Variants in TSNARE1 observed in about 807,000 individuals in gnomAD.
TSNARE1 encodes t-SNARE domain containing 1.
In TSNARE1, 49 loss-of-function variants were observed where a neutral mutation model predicts 62.0. The ratio of observed to expected loss-of-function variants is 0.79; its 90% CI spans 0.63 to 1.00. The LOEUF (loss-of-function observed/expected upper bound fraction) is 1.00. Among genes scored for constraint, TSNARE1 ranks in the 50% least tolerant of loss-of-function variants. TSNARE1 has a pLI of 0.00. For missense variants in TSNARE1, 755 were observed against 700.1 expected, an observed-to-expected ratio of 1.08 and a Z score of -0.88; for synonymous variants, 328 against 294.4, an observed-to-expected ratio of 1.11 and a Z score of -1.17.
At position 142,345,873 on chromosome 8, in the gene TSNARE1, G is replaced by A. The variant is rs758285654; in HGVS notation, c.108C>T (p.Thr36=). ...CQPLECARCW[T]EYGIRHFPCP... ...AGGGGAAATGGCGGATTCCATACTC[G>A]GTCCAACATCTAGCGCACTCTACGG... Residue 36 remains threonine, a synonymous_variant, in exon 3 of 14, where the codon ACC becomes ACT. Transcript: ENST00000524325. 2.2e-5 allele frequency: 35 copies of A among 1,613,618 alleles called. No individual in the cohort carries two copies. In the Admixed American group the frequency reaches 3.5e-4, roughly 16 times the overall value.
At chr8:142,337,524 G>A (rs1414147504) in intron 4 of TSNARE1, among the ~76,000 whole-genome samples, 2 of 152,250 alleles carry the variant, frequency 1.3e-5, no homozygotes, top group Non-Finnish European at 1.5e-5. Context: ...GCGCAACCGT[G>A]CTTTCTAGAA....
At chr8:142,271,739 G>A (rs1364896095) in intron 12 of TSNARE1, 2 of 1,287,662 alleles carry the variant, frequency 1.6e-6, no homozygotes, top group East Asian at 3.1e-5. Flanking sequence ...CCAAAACCCA[G>A]TGATCTGGAG....
intron 13 of TSNARE1, among the ~76,000 whole-genome samples, chr8:142,220,880 T>C (rs1816178862): frequency 6.6e-6 from 1 of 152,212 alleles, no homozygotes; most frequent in Non-Finnish European, 1.5e-5. Flanking sequence ...TCCCTGGCAG[T>C]ACCACAGAAG....
chr8:142,355,050 G>A (rs1166587054), intron 1 of TSNARE1, among the ~76,000 whole-genome samples: 1 of 152,174 alleles, frequency 6.6e-6, no homozygotes, highest in Non-Finnish European at 1.5e-5. Context: ...AGCAAGGTGA[G>A]CCCTCTGGCC....
chr8:142,311,992 T>C (rs1827692992), intron 9 of TSNARE1, among the ~76,000 whole-genome samples: 1 of 152,244 alleles, frequency 6.6e-6, no homozygotes, highest in African/African-American at 2.4e-5. Context: ...ATAACACAGA[T>C]TGAATATCCC....
intron 12 of TSNARE1, among the ~76,000 whole-genome samples, chr8:142,236,439 T>C (rs1817428527): frequency 6.6e-6 from 1 of 151,824 alleles, no homozygotes; most frequent in Admixed American, 6.6e-5. Context: ...CTGCACCAAG[T>C]ATCCGCTGGG....
intron 1 of TSNARE1, among the ~76,000 whole-genome samples, chr8:142,360,102 C>T (rs1379873225): frequency 6.6e-6 from 1 of 152,212 alleles, no homozygotes; most frequent in East Asian, 1.9e-4. Flanking sequence ...CCAGGCCTTC[C>T]CAACCAAAGC....
intron 9 of TSNARE1, among the ~76,000 whole-genome samples, chr8:142,300,871 TC>T (rs1025091250): frequency 2.0e-4 from 31 of 152,118 alleles, no homozygotes; most frequent in African/African-American, 7.2e-4. Context: ...CAGACGTCAG[TC>T]CCCAGTGTCA....
intron 2 of TSNARE1, among the ~76,000 whole-genome samples, chr8:142,347,212 G>A (rs1452134381): frequency 2.0e-5 from 3 of 152,258 alleles, no homozygotes; most frequent in African/African-American, 4.8e-5. Flanking sequence ...GTGCAGCAAA[G>A]TAGATCAGAG....
intron 13 of TSNARE1, among the ~76,000 whole-genome samples, chr8:142,214,345 A>G (rs1381391529): frequency 1.3e-5 from 2 of 152,140 alleles, no homozygotes; most frequent in African/African-American, 2.4e-5. Context: ...GCACATCCAG[A>G]ATCCCCTTGG....
At chr8:142,378,583 G>A (rs1836509157) in intron 1 of TSNARE1, among the ~76,000 whole-genome samples, 1 of 152,192 alleles carries the variant, frequency 6.6e-6, no homozygotes, top group South Asian at 2.1e-4. Context: ...CAGCAGGCAT[G>A]AGCCTTGAAT....
At chr8:142,390,975 T>G (rs1243827394) in intron 1 of TSNARE1, among the ~76,000 whole-genome samples, 19 of 112,714 alleles carry the variant, frequency 1.7e-4, no homozygotes, top group Admixed American at 7.6e-4. Context: ...TGTACACTGC[T>G]GGGGACTCTA....
Position 142,332,191 on chromosome 8 carries a change from G to A in TSNARE1, c.746-360C>T, listed in dbSNP as rs1288198142. 2.6e-5 allele frequency among the ~76,000 whole-genome samples: 4 copies of A among 152,234 alleles called. No homozygotes were observed. In the East Asian group the frequency reaches 5.8e-4, roughly 22 times the overall value. ...TCACTAAGAGTCAAAGCACAGCCCCGCTGATGAAGCAACAGAAACAAGGTC... is the reference window on the plus strand; with the variant it reads ...TCACTAAGAGTCAAAGCACAGCCCCACTGATGAAGCAACAGAAACAAGGTC... On this transcript the variant is annotated intron_variant, in intron 4 of 13. Transcript: ENST00000524325.
chr8:142,246,136 C>T (rs1456995911), intron 12 of TSNARE1, among the ~76,000 whole-genome samples: 1 of 152,188 alleles, frequency 6.6e-6, no homozygotes, highest in Non-Finnish European at 1.5e-5. Context: ...CATAAGGGTC[C>T]CAAAGAGGGT....
chr8:142,232,663 C>T (rs1817181090), intron 12 of TSNARE1, among the ~76,000 whole-genome samples: 2 of 152,206 alleles, frequency 1.3e-5, no homozygotes, highest in Admixed American at 1.3e-4. Context: ...CAAGCCCGGC[C>T]CTTCCACAGC....
chr8:142,359,081 T>C (rs1834963593), intron 1 of TSNARE1, among the ~76,000 whole-genome samples: 1 of 152,014 alleles, frequency 6.6e-6, no homozygotes, highest in South Asian at 2.1e-4. Flanking sequence ...CCCACCTCTG[T>C]GCCTTCACCC....
intron 11 of TSNARE1, chr8:142,278,137 C>G (rs1563810686): frequency 2.0e-6 from 2 of 985,234 alleles, no homozygotes; most frequent in African/African-American, 1.7e-5. Context: ...CCCCAAGCCC[C>G]ACCACAAGGC....
intron 12 of TSNARE1, chr8:142,270,954 G>A (rs1157542784): frequency 1.0e-6 from 1 of 985,378 alleles, no homozygotes; most frequent in African/African-American, 1.7e-5. Context: ...CATCCTTCCG[G>A]TCTCCTGGAC....
chr8:142,393,660 C>A (rs1268166184), intron 1 of TSNARE1, among the ~76,000 whole-genome samples: 2 of 152,260 alleles, frequency 1.3e-5, no homozygotes, highest in Non-Finnish European at 2.9e-5. Context: ...AGCACCTGCC[C>A]CGTCCACTCC....
Sources: allele counts gnomAD v4.1 joint callset (sites outside exome capture counted in the v4.1 genomes callset), GRCh38; gene constraint gnomAD v4.1.1; transcripts MANE v1.5; gene names NCBI Gene and HGNC (gene_info 2026-07-23, HGNC 2026-07-21).